HYDIN: variants seen among roughly 807,000 people sequenced by gnomAD.
HYDIN encodes HYDIN axonemal central pair apparatus protein.
HYDIN carries 132 observed loss-of-function variants against 403.9 expected under a neutral mutation model. The observed-to-expected ratio is 0.33, with a 90% confidence interval of 0.28 to 0.38. HYDIN has a LOEUF of 0.38. Among genes scored for constraint, HYDIN ranks in the 10% least tolerant of loss-of-function variants. The pLI is 1.00. For missense variants in HYDIN, 2,827 were observed against 5,009.5 expected, an observed-to-expected ratio of 0.56 and a Z score of 13.15; for synonymous variants, 1,202 against 1,891.7, an observed-to-expected ratio of 0.64 and a Z score of 9.46.
intron 18 of HYDIN, among the ~76,000 whole-genome samples, chr16:71,049,189 G>A (rs1160247164): frequency 6.6e-6 from 1 of 152,268 alleles, no homozygotes; most frequent in African/African-American, 2.4e-5. Context: ...GAGGCAGCTT[G>A]AGAAAGAAAA....
intron 7 of HYDIN, 134 bp downstream of exon 7, chr16:71,152,525 C>T (rs2085578000): frequency 1.4e-6 from 1 of 734,710 alleles, no homozygotes; most frequent in Non-Finnish European, 2.2e-6. Flanking sequence ...CTGCCCTCTC[C>T]CCCAAGTCCA....
intron 12 of HYDIN, among the ~76,000 whole-genome samples, chr16:71,087,551 G>A (rs532893931): frequency 2.1e-4 from 28 of 136,564 alleles, no homozygotes; most frequent in Middle Eastern, 3.4e-3. Flanking sequence ...TAAATTCTGC[G>A]GGAAACAATT....
chr16:71,198,224 C>T (rs1300058678), intron 1 of HYDIN, among the ~76,000 whole-genome samples: 4 of 152,234 alleles, frequency 2.6e-5, no homozygotes. Flanking sequence ...AATAATCCAC[C>T]ATTTGAATTT....
intron 75 of HYDIN, among the ~76,000 whole-genome samples, chr16:70,841,694 C>T (rs2037835971): frequency 6.6e-6 from 1 of 151,852 alleles, no homozygotes; most frequent in Non-Finnish European, 1.5e-5. Flanking sequence ...CTCCTTCTTG[C>T]TCTCTCTCTC....
At chr16:71,012,592 G>A (rs934949489) in intron 23 of HYDIN, among the ~76,000 whole-genome samples, 9 of 152,216 alleles carry the variant, frequency 5.9e-5, no homozygotes, top group Non-Finnish European at 7.3e-5. Context: ...GCATGCACAC[G>A]CACCGCAGAT....
intron 50 of HYDIN, among the ~76,000 whole-genome samples, chr16:70,906,838 C>T (rs2076550908): frequency 6.6e-6 from 1 of 152,224 alleles, no homozygotes; most frequent in African/African-American, 2.4e-5. Context: ...ACCATGTCCT[C>T]TCTTCATGGC....
rs1314154929 is a variant in HYDIN, at chr16:71,136,780, A to C, written c.1043+371T>G. Among the ~76,000 whole-genome samples, 96 of 148,116 alleles carry C rather than the reference A, an allele frequency of 6.5e-4. 1 individual carries two copies. Among genetic ancestry groups the C allele is most frequent in the Admixed American group, 6.1e-3 (90 of 14,656 alleles). ...AGACTCCATCTCAAAAAAAAAAAAA[A>C]CAAAAAAAACAAAAAAAAAACCTGA... is the stretch of plus-strand genomic sequence containing the variant. On this transcript the variant is annotated intron_variant, in intron 8 of 85. Coordinates refer to ENST00000393567, the MANE Select transcript of HYDIN (RefSeq NM_001270974.2).
At chr16:71,020,448 GTA>G (rs60924917) in intron 21 of HYDIN, 131 bp from the exon 22 acceptor site, 14,348 of 914,104 alleles carry the variant, frequency 0.016, 24 homozygotes, top group South Asian at 0.03. Flanking sequence ...GTGTGTGTGT[GTA>G]TATATATATA....
chr16:71,158,833 C>T (rs2085891141), intron 6 of HYDIN, among the ~76,000 whole-genome samples: 3 of 150,180 alleles, frequency 2.0e-5, no homozygotes, highest in Admixed American at 6.6e-5. Context: ...AGGTATGGAC[C>T]ACTACACCCA....
intron 73 of HYDIN, among the ~76,000 whole-genome samples, chr16:70,853,037 C>T (rs573747639): frequency 1.2e-4 from 18 of 148,760 alleles, no homozygotes; most frequent in Middle Eastern, 3.5e-3. Context: ...AAAAATTAGC[C>T]GGGCATAGTG....
intron 7 of HYDIN, among the ~76,000 whole-genome samples, chr16:71,139,092 GAAGAAAA>G (rs1396599790): frequency 1.7e-4 from 7 of 40,522 alleles, no homozygotes; most frequent in Middle Eastern, 0.026. Flanking sequence ...CTCAAATAAA[GAAGAAAA>G]AAAAAAAAAA....
chr16:70,886,283 T>C (rs1321701867), intron 58 of HYDIN, among the ~76,000 whole-genome samples: 1 of 151,380 alleles, frequency 6.6e-6, no homozygotes, highest in East Asian at 1.9e-4. Context: ...GTATTTACCA[T>C]CTTGCTTAAC....
intron 10 of HYDIN, among the ~76,000 whole-genome samples, chr16:71,098,454 A>G (rs1278303007): frequency 2.0e-5 from 3 of 151,738 alleles, no homozygotes; most frequent in Admixed American, 1.3e-4. Flanking sequence ...CGCCCGCCTC[A>G]GCCTCCCAAA....
intron 45 of HYDIN, among the ~76,000 whole-genome samples, chr16:70,931,183 AT>A (rs1325161813): frequency 2.8e-5 from 4 of 142,606 alleles, no homozygotes; most frequent in Admixed American, 2.1e-4. Context: ...CGTTTTTTGA[AT>A]TGGGTTTTCT....
chr16:70,884,994 C>G (rs1322236845), intron 58 of HYDIN, among the ~76,000 whole-genome samples: 2 of 152,220 alleles, frequency 1.3e-5, no homozygotes, highest in Non-Finnish European at 2.9e-5. Context: ...GTGGGGCATG[C>G]ATTGACAGGA....
chr16:71,193,001 G>C (rs1044958011), intron 1 of HYDIN, among the ~76,000 whole-genome samples: 5 of 152,110 alleles, frequency 3.3e-5, no homozygotes, highest in African/African-American at 1.2e-4. Context: ...CCCATCTCAA[G>C]AATCTGCAGA....
At chr16:71,165,845 G>T (rs1386744098) in intron 5 of HYDIN, among the ~76,000 whole-genome samples, 1 of 149,194 alleles carries the variant, frequency 6.7e-6, no homozygotes, top group Non-Finnish European at 1.5e-5. Context: ...GGGGAAGTGT[G>T]ATTTGGAACC....
intron 10 of HYDIN, among the ~76,000 whole-genome samples, chr16:71,098,203 CTTT>C (rs374205374): frequency 7.7e-6 from 1 of 130,382 alleles, no homozygotes. Context: ...AACTTTCTTT[CTTT>C]TTTTTTTTTT....
chr16:71,218,399 A>G (rs1325767932), intron 1 of HYDIN, among the ~76,000 whole-genome samples: 2 of 152,210 alleles, frequency 1.3e-5, no homozygotes, highest in Non-Finnish European at 2.9e-5. Context: ...ACTGGAATCC[A>G]CACAGAACCT....
Sources: allele counts gnomAD v4.1 joint callset (sites outside exome capture counted in the v4.1 genomes callset), GRCh38; gene constraint gnomAD v4.1.1; transcripts MANE v1.5; gene names NCBI Gene and HGNC (gene_info 2026-07-23, HGNC 2026-07-21).